MCTP2: variants seen among roughly 807,000 people sequenced by gnomAD.
MCTP2 encodes the protein multiple C2 and transmembrane domain containing 2.
Under a neutral mutation model 111.6 loss-of-function variants are expected in MCTP2, and 132 were observed. The observed-to-expected ratio is 1.18, with a 90% confidence interval of 1.03 to 1.37. The LOEUF (loss-of-function observed/expected upper bound fraction) is 1.37. Ranked by LOEUF, MCTP2 falls within the 40% of genes most tolerant of loss-of-function variation. MCTP2 has a pLI of 0.00. For synonymous variants in MCTP2, 395 were observed against 387.7 expected, an observed-to-expected ratio of 1.02 and a Z score of -0.22; for missense variants, 1,183 against 1,067.9, an observed-to-expected ratio of 1.11 and a Z score of -1.50.
chr15:94,438,166 A>G (rs1243216380), intron 17 of MCTP2, among the ~76,000 whole-genome samples: 2 of 152,180 alleles, frequency 1.3e-5, no homozygotes, highest in Admixed American at 6.5e-5. Flanking sequence ...ATGAGCGAGT[A>G]TAGTCGTCAA....
rs1426739777 is a variant in MCTP2, at chr15:94,243,023, GTATC to G, written c.-66+11362_-66+11365del. The stretch of plus-strand genomic sequence containing the variant: ...TATCTACACATACACGTGTATATGT[GTATC>G]TACACATACACGTGTATATGTGTAT... On this transcript the variant is annotated intron_variant, in intron 1 of 22. Coordinates refer to ENST00000357742, the MANE Select transcript of MCTP2 (RefSeq NM_001385001.1). Among the ~76,000 whole-genome samples, 4 of 75,430 alleles carry G rather than the reference GTATC, an allele frequency of 5.3e-5. 1 individual carries two copies. Among genetic ancestry groups the G allele is most frequent in the Non-Finnish European group, 1.2e-4 (4 of 33,832 alleles). 49.5% of individuals were successfully genotyped at this position (75,430 alleles called of 152,430 possible).
chr15:94,448,817 G>A (rs1274249759), intron 19 of MCTP2, among the ~76,000 whole-genome samples: 1 of 152,136 alleles, frequency 6.6e-6, no homozygotes, highest in Non-Finnish European at 1.5e-5. Flanking sequence ...TATGTCTTTT[G>A]TATTTAAAAA....
chr15:94,253,771 G>A (rs965319629), intron 1 of MCTP2, among the ~76,000 whole-genome samples: 5 of 149,036 alleles, frequency 3.4e-5, no homozygotes, highest in South Asian at 2.1e-4. Context: ...GTTTCACATC[G>A]TTGCATGTGA....
intron 17 of MCTP2, 125 bp downstream of exon 17, chr15:94,402,144 T>A (rs568971589): frequency 1.6e-5 from 22 of 1,365,050 alleles, no homozygotes; most frequent in Admixed American, 2.8e-5. Context: ...TTAGGTCAAA[T>A]TTACCTGGGA....
rs1596842462 is a variant in MCTP2 at position 94,470,350 on chromosome 15, T to TCC, written c.2381_2382dup (p.Phe795ProfsTer9). 1.9e-6 allele frequency: 3 copies of TCC among 1,612,586 alleles called. No individual in the cohort carries two copies. The highest frequency in any genetic ancestry group is 4.5e-5 in the East Asian group (2 of 44,866). ...GTCTACAGCACATTTAACTGGACGG[T>TCC]CCCCTTCCTTTCATCTCTGGCCTGT... On this transcript the variant is annotated frameshift_variant, in exon 21 of 23. Transcript: ENST00000357742. LOFTEE classifies it high-confidence loss of function.
intron 21 of MCTP2, among the ~76,000 whole-genome samples, chr15:94,471,531 T>A (rs941321953): frequency 6.6e-6 from 1 of 152,172 alleles, no homozygotes; most frequent in African/African-American, 2.4e-5. Context: ...GCTCATACAA[T>A]TACAGAAGTA....
intron 22 of MCTP2, among the ~76,000 whole-genome samples, chr15:94,477,419 G>C (rs751456461): frequency 6.6e-6 from 1 of 152,116 alleles, no homozygotes; most frequent in Non-Finnish European, 1.5e-5. Flanking sequence ...AGAGATTAAC[G>C]AAGGCAACAA....
intron 19 of MCTP2, among the ~76,000 whole-genome samples, chr15:94,449,154 A>C (rs933912685): frequency 6.6e-6 from 1 of 152,238 alleles, no homozygotes; most frequent in African/African-American, 2.4e-5. Context: ...AGGGAAAAGT[A>C]ATCACTGGAA....
chr15:94,436,027 A>C (rs894309581), intron 17 of MCTP2, among the ~76,000 whole-genome samples: 1 of 152,004 alleles, frequency 6.6e-6, no homozygotes, highest in African/African-American at 2.4e-5. Flanking sequence ...GATAGCTTTG[A>C]TCTTAGACTG....
intron 1 of MCTP2, among the ~76,000 whole-genome samples, chr15:94,243,293 GCATATA>G (rs1567250692): frequency 7.0e-6 from 1 of 143,436 alleles, no homozygotes; most frequent in Non-Finnish European, 1.5e-5. Context: ...ATGCGTATAT[GCATATA>G]TACATACATA....
intron 4 of MCTP2, among the ~76,000 whole-genome samples, chr15:94,333,250 A>C (rs2077209621): frequency 6.6e-6 from 1 of 152,238 alleles, no homozygotes; most frequent in Admixed American, 6.5e-5. Context: ...AGCAAGGCGT[A>C]TAAGAATTCT....
intron 13 of MCTP2, among the ~76,000 whole-genome samples, 172 bp from the exon 14 acceptor site, chr15:94,385,251 T>C (rs556198647): frequency 6.6e-6 from 1 of 152,302 alleles, no homozygotes; most frequent in Non-Finnish European, 1.5e-5. Context: ...TCTTCTATGA[T>C]GGAAGGTTTG....
chr15:94,372,707 G>C (rs2079551889), intron 12 of MCTP2, among the ~76,000 whole-genome samples: 1 of 151,872 alleles, frequency 6.6e-6, no homozygotes, highest in Admixed American at 6.6e-5. Context: ...CCATTTTCCA[G>C]TCATCTTACT....
chr15:94,318,693 C>T (rs1481263534), intron 4 of MCTP2, among the ~76,000 whole-genome samples: 1 of 152,202 alleles, frequency 6.6e-6, no homozygotes, highest in East Asian at 1.9e-4. Context: ...TCAGGCAATA[C>T]TATACTTCTC....
chr15:94,381,481 G>A lies in MCTP2; in HGVS notation c.1583-2541G>A, dbSNP rs902945645. Among the ~76,000 whole-genome samples, 7 of 152,208 alleles carry A rather than the reference G, an allele frequency of 4.6e-5. 1 individual carries two copies. Among genetic ancestry groups the A allele is most frequent in the Non-Finnish European group, 8.8e-5 (6 of 68,036 alleles). On this transcript the variant is annotated intron_variant, in intron 12 of 22. Transcript: ENST00000357742. ...CTCATTAGCTGGGACAGCTAAGAGC[G>A]TGCTTGCTTGAGAGAGCGGGAGCCA...
intron 1 of MCTP2, among the ~76,000 whole-genome samples, chr15:94,267,014 T>G (rs1472755146): frequency 6.6e-6 from 1 of 152,252 alleles, no homozygotes; most frequent in African/African-American, 2.4e-5. Context: ...CAGTTTGTTT[T>G]GAAGAACTGC....
chr15:94,282,836 C>A (rs1342062350), intron 1 of MCTP2, among the ~76,000 whole-genome samples: 1 of 152,182 alleles, frequency 6.6e-6, no homozygotes, highest in Non-Finnish European at 1.5e-5. Flanking sequence ...TCCTGGCCTG[C>A]ATGCCCTTAT....
At chr15:94,401,863 T>C in intron 16 of MCTP2, 37 bp from the exon 17 acceptor site, 10 of 1,561,930 alleles carry the variant, frequency 6.4e-6, no homozygotes, top group Non-Finnish European at 8.8e-6. Context: ...TTGTAGTATT[T>C]AAATCTAGTT....
intron 15 of MCTP2, 54 bp from the exon 16 acceptor site, chr15:94,399,867 G>A (rs2081472171): frequency 2.7e-6 from 4 of 1,478,398 alleles, no homozygotes; most frequent in Non-Finnish European, 3.8e-6. Context: ...AGAAAACTAG[G>A]TGGATGAAGT....
Sources: gnomAD v4.1 joint callset for allele counts (sites outside exome capture counted in the v4.1 genomes callset) on GRCh38, gnomAD v4.1.1 for gene constraint, MANE v1.5 for transcripts, NCBI Gene and HGNC (gene_info 2026-07-23, HGNC 2026-07-21) for gene names.